KIFC3: variants seen among roughly 807,000 people sequenced by gnomAD.
The protein encoded by KIFC3 is kinesin family member C3.
Under a neutral mutation model 101.8 loss-of-function variants are expected in KIFC3, and 60 were observed. That is an observed-to-expected ratio of 0.59 (90% CI 0.48 to 0.73). KIFC3 has a LOEUF of 0.73. KIFC3 is among the 30% of genes least tolerant of loss of function. KIFC3 has a pLI of 0.00. For missense variants in KIFC3, 966 were observed against 1,137.1 expected (o/e 0.85, Z 2.16); for synonymous variants, 476 against 482.7 (o/e 0.99, Z 0.18).
At chr16:57,862,658 T>C (rs763957912) in intron 1 of KIFC3, 3 of 473,174 alleles carry the variant, frequency 6.3e-6, no homozygotes, top group African/African-American at 4.0e-5. Context: ...TTGTCAGTCC[T>C]GCTTCTGAAA....
chr16:57,832,104 T>A (rs146560175), intron 1 of KIFC3, among the ~76,000 whole-genome samples: 7 of 152,192 alleles, frequency 4.6e-5, no homozygotes, highest in African/African-American at 1.7e-4. Flanking sequence ...CACTGCAACA[T>A]CCACCTCCTG....
At chr16:57,848,308 C>T (rs1184280504) in intron 1 of KIFC3, among the ~76,000 whole-genome samples, 1 of 152,114 alleles carries the variant, frequency 6.6e-6, no homozygotes, top group East Asian at 1.9e-4. Context: ...AGAAGGACCA[C>T]ACAGAAAGCC....
intron 1 of KIFC3, among the ~76,000 whole-genome samples, chr16:57,845,730 C>A (rs1042060058): frequency 2.0e-5 from 3 of 152,204 alleles, no homozygotes; most frequent in East Asian, 1.9e-4. Flanking sequence ...CCTTACTCTG[C>A]TGTTGGATTG....
intron 9 of KIFC3, among the ~76,000 whole-genome samples, chr16:57,768,480 T>A (rs1453617403): frequency 7.2e-6 from 1 of 139,434 alleles, no homozygotes; most frequent in African/African-American, 2.7e-5. Context: ...GCAGAACCTG[T>A]GGATGGGGGA....
chr16:57,823,525 G>T (rs1377266281), intron 1 of KIFC3, among the ~76,000 whole-genome samples: 4 of 152,176 alleles, frequency 2.6e-5, no homozygotes, highest in African/African-American at 9.7e-5. Context: ...TTATAAAAGA[G>T]AATTTCTTGT....
rs759371390 is a variant in KIFC3, at chr16:57,832,847, A to C, written c.108+29882T>G. Reference sequence around the variant, plus strand: ...CAGACATCCCTACGGATATTTAGGCAAAGGTATTTTAAAAGAGAGATGTTT... The same window carrying C: ...CAGACATCCCTACGGATATTTAGGCCAAGGTATTTTAAAAGAGAGATGTTT... On this transcript the variant is annotated intron_variant, in intron 1 of 2. Coordinates refer to the KIFC3 transcript ENST00000563028. 8.5e-5 allele frequency among the ~76,000 whole-genome samples: 13 copies of C among 152,170 alleles called. 1 individual carries two copies. The highest frequency in any genetic ancestry group is 6.3e-3 in the Middle Eastern group (2 of 316).
intron 1 of KIFC3, among the ~76,000 whole-genome samples, chr16:57,860,045 A>AATATAAAATAAAATAAAATAAAAT (rs1567349037): frequency 3.9e-5 from 4 of 103,570 alleles, no homozygotes; most frequent in African/African-American, 1.5e-4. Context: ...AATAAAATAA[A>AATATAAAATAAAATAAAATAAAAT]ATAAAATAAA....
chr16:57,764,255 G>T lies in KIFC3; in HGVS notation c.1513-8C>A. 3.2e-6 allele frequency: 5 copies of T among 1,564,736 alleles called. No homozygotes were observed. The highest frequency in any genetic ancestry group is 2.3e-5 in the East Asian group (1 of 43,900). On this transcript the variant is annotated splice_region_variant and splice_polypyrimidine_tract_variant and intron_variant, in intron 11 of 19. Transcript: ENST00000445690. The stretch of plus-strand genomic sequence containing the variant: ...CTGCACCTCCTGGAACACCTGGGAG[G>T]GTGGTGGGAGGGAGGCTGGTGGGGG...
intron 1 of KIFC3, among the ~76,000 whole-genome samples, chr16:57,843,808 G>A (rs1479305013): frequency 2.0e-5 from 3 of 152,116 alleles, no homozygotes; most frequent in Admixed American, 6.5e-5. Flanking sequence ...ACTCCACCCT[G>A]GAGATGTTTC....
At chr16:57,811,413 GGA>G (rs781973966) in intron 1 of KIFC3, among the ~76,000 whole-genome samples, 40 of 151,828 alleles carry the variant, frequency 2.6e-4, no homozygotes, top group Non-Finnish European at 5.6e-4. Flanking sequence ...AGGGAGGACA[GGA>G]GAGAGAGAGA....
chr16:57,780,578 T>TAA (rs1400337211), intron 3 of KIFC3, among the ~76,000 whole-genome samples: 3 of 140,172 alleles, frequency 2.1e-5, no homozygotes. Context: ...TAAAATGATT[T>TAA]AAAAAAAAAA....
chr16:57,785,031 C>T lies in KIFC3; in HGVS notation c.315+9968G>A, dbSNP rs145773083. 3.7e-4 allele frequency among the ~76,000 whole-genome samples: 56 copies of T among 152,330 alleles called. No individual in the cohort carries two copies. The East Asian group carries it at 0.01, about 27-fold the overall frequency. ...AACGAGAAATCAAAAGAACAAGAAA[C>T]GTCATGCCAATCTCCTGTGGGGTGA... On this transcript the variant is annotated intron_variant, in intron 3 of 19. Transcript: ENST00000445690.
At chr16:57,774,480 G>A (rs2149007281) in intron 3 of KIFC3, among the ~76,000 whole-genome samples, 1 of 152,030 alleles carries the variant, frequency 6.6e-6, no homozygotes, top group Non-Finnish European at 1.5e-5. Flanking sequence ...GGGGTCTCTG[G>A]GCTGTGGAAT....
chr16:57,769,488 G>C lies in KIFC3; in HGVS notation c.1218+107C>G. 2.8e-6 allele frequency: 4 copies of C among 1,415,518 alleles called. No homozygotes were observed. Among genetic ancestry groups the C allele is most frequent in the Non-Finnish European group, 3.8e-6 (4 of 1,048,214 alleles). The allele number at this position is 1,415,518 out of a possible 1,614,324, so 87.7% of individuals were successfully genotyped here. ...CATGGGGGGTGGGGCAGGGGCTGCT[G>C]TCTGAGCGGCTTTGTCTGAGCTTTG... On this transcript the variant is annotated intron_variant, in intron 9 of 19. Coordinates refer to ENST00000445690, the MANE Select transcript of KIFC3 (RefSeq NM_001130100.2). The surrounding 1 kb of genome is among the most constrained non-coding windows in gnomAD (Gnocchi z 4.3).
chr16:57,816,405 G>A (rs2149269136), intron 1 of KIFC3: 2 of 556,530 alleles, frequency 3.6e-6, no homozygotes, highest in Non-Finnish European at 6.3e-6. Context: ...TTGGTCACAG[G>A]ACAGAAGCTG....
In KIFC3 at chr16:57,758,493, CCA is replaced by C. The variant is rs2049398568; in HGVS notation, c.*439_*440del. On this transcript the variant is annotated 3_prime_UTR_variant, in exon 20 of 20. Coordinates refer to ENST00000445690, the MANE Select transcript of KIFC3 (RefSeq NM_001130100.2). ...CTGCCATTGGTGCCACCAACCCACC[CCA>C]GTCCCCATGGTTCTTGGGTCTGCCC... is the stretch of plus-strand genomic sequence containing the variant. 1 of 441,152 alleles carries C rather than the reference CCA, an allele frequency of 2.3e-6. No individual in the cohort carries two copies. 27.3% of individuals were successfully genotyped at this position (441,152 alleles called of 1,614,324 possible).
intron 4 of KIFC3, 136 bp from the exon 5 acceptor site, chr16:57,771,822 A>G (rs1348909006): frequency 8.9e-7 from 1 of 1,125,494 alleles, no homozygotes; most frequent in Non-Finnish European, 1.2e-6. Context: ...GGAGAAAAAG[A>G]AAAAGAAAAA....
chr16:57,790,912 G>C (rs1396755161), intron 3 of KIFC3: 9 of 985,254 alleles, frequency 9.1e-6, no homozygotes, highest in Non-Finnish European at 1.1e-5. Flanking sequence ...ACTTGAGAAG[G>C]GCGGGTGGCA....
intron 1 of KIFC3, among the ~76,000 whole-genome samples, chr16:57,813,387 G>C (rs2055138247): frequency 1.3e-5 from 2 of 149,958 alleles, no homozygotes; most frequent in Admixed American, 1.3e-4. Context: ...AAAGGAAAAG[G>C]AGAAGCCAGA....
Sources: allele counts gnomAD v4.1 joint callset (sites outside exome capture counted in the v4.1 genomes callset), GRCh38; gene constraint gnomAD v4.1.1; non-coding constraint Gnocchi (gnomAD v3.1); transcripts MANE v1.5; gene names NCBI Gene and HGNC (gene_info 2026-07-23, HGNC 2026-07-21).